Variants in DNAH17 observed in about 807,000 individuals in gnomAD.
The protein encoded by DNAH17 is axonemal beta dynein heavy chain 17.
DNAH17 carries 376 observed loss-of-function variants against 485.6 expected under a neutral mutation model. The ratio of observed to expected loss-of-function variants is 0.77; its 90% CI spans 0.71 to 0.84. The LOEUF is 0.84. Among genes scored for constraint, DNAH17 ranks in the 40% least tolerant of loss-of-function variants. DNAH17 has a pLI of 0.00. For missense variants in DNAH17, 6,370 were observed against 5,839.3 expected, an observed-to-expected ratio of 1.09 and a Z score of -2.96; for synonymous variants, 3,031 against 2,405.9, an observed-to-expected ratio of 1.26 and a Z score of -7.60.
At chr17:78,460,330 G>GTGTGCATGTGTGTGCATGTA (rs2088043312) in intron 58 of DNAH17, 73 bp from the exon 59 acceptor site, 3 of 808,268 alleles carry the variant, frequency 3.7e-6, no homozygotes, top group Middle Eastern at 2.6e-4. Flanking sequence ...ACGTGCATGT[G>GTGTGCATGTGTGTGCATGTA]TGTGCATGTG....
chr17:78,424,006 C>T lies in DNAH17; in HGVS notation c.13289G>A (p.Arg4430His), dbSNP rs150439390. 5.0e-5 allele frequency: 81 copies of T among 1,614,042 alleles called. No homozygotes were observed. The East Asian group carries it at 7.8e-4, about 16-fold the overall frequency. The change falls in exon 81 of 81, where the codon CGC becomes CAC. Residue 4430 changes from arginine (R) to histidine (H), a missense_variant. By Grantham distance (29) the Arg-to-His change is conservative (BLOSUM62 0). Coordinates refer to ENST00000389840, the MANE Select transcript of DNAH17 (RefSeq NM_173628.4). Reference sequence around the variant, plus strand: ...CCAGACATAGGTGGGGCCGCGGATGCGTGTTTTGTACACGGGACACTCATA... The same window carrying T: ...CCAGACATAGGTGGGGCCGCGGATGTGTGTTTTGTACACGGGACACTCATA... ...NIYECPVYKTRIRGPTYVWTF... is the reference protein window; with the variant it reads ...NIYECPVYKTHIRGPTYVWTF...
intron 33 of DNAH17, 87 bp from the exon 34 acceptor site, chr17:78,501,960 G>A (rs2090311100): frequency 3.9e-6 from 6 of 1,548,582 alleles, no homozygotes; most frequent in South Asian, 1.2e-5. Flanking sequence ...AGCTGCATAG[G>A]GAACACCACC....
At chr17:78,445,236 G>A (rs2087233224) in intron 70 of DNAH17, among the ~76,000 whole-genome samples, 1 of 147,528 alleles carries the variant, frequency 6.8e-6, no homozygotes, top group Non-Finnish European at 1.5e-5. Context: ...AGGGGAGGCT[G>A]GGGGGAGGAG....
chr17:78,511,612 C>CT (rs1336971436), intron 26 of DNAH17, among the ~76,000 whole-genome samples: 1 of 152,256 alleles, frequency 6.6e-6, no homozygotes, highest in Non-Finnish European at 1.5e-5. Flanking sequence ...GTGCCACCCA[C>CT]TTCCCAAATC....
chr17:78,495,726 C>G, intron 38 of DNAH17, 149 bp downstream of exon 38: 1 of 952,178 alleles, frequency 1.1e-6, no homozygotes, highest in Non-Finnish European at 1.5e-6. Flanking sequence ...AAGTGAGTTA[C>G]TGTGCCCGGC....
intron 25 of DNAH17, among the ~76,000 whole-genome samples, chr17:78,523,143 A>G (rs1466317072): frequency 6.6e-6 from 1 of 151,780 alleles, no homozygotes; most frequent in Admixed American, 6.6e-5. Flanking sequence ...GGCATGAGCC[A>G]CTACACCTAG....
chr17:78,553,926 G>A (rs2143585367), intron 14 of DNAH17, among the ~76,000 whole-genome samples: 1 of 149,884 alleles, frequency 6.7e-6, no homozygotes, highest in East Asian at 2.0e-4. Context: ...GCATTTCTTG[G>A]CTCAGACCCT....
chr17:78,486,241 C>T lies in DNAH17; in HGVS notation c.7084G>A (p.Ala2362Thr), dbSNP rs377570773. The change falls in exon 45 of 81, where the codon GCC becomes ACC. Residue 2362 changes from alanine (A) to threonine (T), a missense_variant. Transcript: ENST00000389840. ...VFTCFWAFGGAMFQDQLVDYR... is the reference protein window; with the variant it reads ...VFTCFWAFGGTMFQDQLVDYR... Reference sequence around the variant, plus strand: ...TGCATCACCTGGTCCTGGAACATGGCGCCACCGAAGGCCCAGAAGCAGGTG... The same window carrying T: ...TGCATCACCTGGTCCTGGAACATGGTGCCACCGAAGGCCCAGAAGCAGGTG... The T allele has an allele frequency of 2.6e-4, 414 of 1,588,438 alleles. No homozygotes were observed. Among genetic ancestry groups the T allele is most frequent in the Non-Finnish European group, 3.2e-4 (377 of 1,164,282 alleles).
rs753478456 is a variant in DNAH17, at chr17:78,466,673, C to T, written c.8922G>A (p.Glu2974=). 12 of 1,611,280 alleles carry T rather than the reference C, an allele frequency of 7.4e-6. No homozygotes were observed. In the Admixed American group the frequency reaches 1.7e-4, roughly 22 times the overall value. The change falls in exon 56 of 81, where the codon GAG becomes GAA. Residue 2974 remains glutamate, a synonymous_variant. Transcript: ENST00000389840. ...GACTCACCGGAATCCCCTCAGTCTC[C>T]TCCAGGAAGCGGGCGCTGACGGACA... ...ALVSVSARFL[E]ETEGIPWEVK...
chr17:78,498,904 C>T (rs192342822), intron 37 of DNAH17, 104 bp downstream of exon 37: 64 of 855,226 alleles, frequency 7.5e-5, no homozygotes, highest in African/African-American at 6.3e-4. Flanking sequence ...GTGCTTGGAA[C>T]GTTGCAGAGA....
At chr17:78,464,433 A>T (rs1388590953) in intron 56 of DNAH17, among the ~76,000 whole-genome samples, 1 of 152,074 alleles carries the variant, frequency 6.6e-6, no homozygotes, top group African/African-American at 2.4e-5. Flanking sequence ...CTAATTTTTT[A>T]TATTTTTGGT....
chr17:78,471,441 C>T (rs555985317), intron 54 of DNAH17, among the ~76,000 whole-genome samples: 160 of 152,284 alleles, frequency 1.1e-3, no homozygotes, highest in African/African-American at 3.7e-3. Context: ...GAGTCAAAGA[C>T]GAATCACTCT....
rs749544716 is a variant in DNAH17, at chr17:78,558,217, A to G, written c.2069T>C (p.Phe690Ser). Residue 690 changes from phenylalanine (F) to serine (S), a missense_variant, in exon 14 of 81, where the codon TTC becomes TCC. Coordinates refer to ENST00000389840, the MANE Select transcript of DNAH17 (RefSeq NM_173628.4). The stretch of plus-strand genomic sequence containing the variant: ...GTCTGGAATCTCTTTCTGTTGCTGG[A>G]AATTCAAATACTTGACTTCTCTCAG... Reference protein sequence around the residue: ...AVLREVKYLNFQQQKEIPDSA... With the variant: ...AVLREVKYLNSQQQKEIPDSA... 3 of 1,613,788 alleles carry G rather than the reference A, an allele frequency of 1.9e-6. No homozygotes were observed. Among genetic ancestry groups the G allele is most frequent in the Non-Finnish European group, 2.5e-6 (3 of 1,179,792 alleles).
intron 2 of DNAH17, among the ~76,000 whole-genome samples, chr17:78,574,028 AATT>A (rs2092398914): frequency 6.6e-6 from 1 of 152,152 alleles, no homozygotes; most frequent in Non-Finnish European, 1.5e-5. Context: ...AAAGTCTCAA[AATT>A]GGAGAAACCT....
intron 58 of DNAH17, 116 bp from the exon 59 acceptor site, chr17:78,460,373 AGTGTATGT>A (rs923076421): frequency 2.0e-4 from 50 of 251,070 alleles, no homozygotes; most frequent in African/African-American, 1.5e-3. Context: ...CACGTGCATG[AGTGTATGT>A]GTGCATATAT....
At chr17:78,460,383 T>C (rs2088054313) in intron 58 of DNAH17, 126 bp from the exon 59 acceptor site, 3 of 470,964 alleles carry the variant, frequency 6.4e-6, no homozygotes, top group South Asian at 4.7e-5. Context: ...AGTGTATGTG[T>C]GCATATATGT....
intron 24 of DNAH17, among the ~76,000 whole-genome samples, chr17:78,526,048 C>A (rs2091061723): frequency 6.6e-6 from 1 of 152,234 alleles, no homozygotes; most frequent in Admixed American, 6.5e-5. Context: ...CCCCACTGGG[C>A]CCCAAGAGGC....
chr17:78,430,641 T>G (rs692622), intron 75 of DNAH17, among the ~76,000 whole-genome samples: 7 of 152,072 alleles, frequency 4.6e-5, no homozygotes, highest in African/African-American at 1.7e-4. Context: ...AGTGCAATGG[T>G]GCAGTCTCTG....
intron 33 of DNAH17, 100 bp from the exon 34 acceptor site, chr17:78,501,973 GC>G: frequency 6.6e-7 from 1 of 1,519,298 alleles, no homozygotes; most frequent in Non-Finnish European, 9.0e-7. Context: ...ACACCACCAT[GC>G]TTTTGTTTAC....
Sources: allele counts gnomAD v4.1 joint callset (sites outside exome capture counted in the v4.1 genomes callset), GRCh38; gene constraint gnomAD v4.1.1; transcripts MANE v1.5; gene names NCBI Gene and HGNC (gene_info 2026-07-23, HGNC 2026-07-21).